The following UBA6 variants were observed in gnomAD, a reference collection of about 807,000 sequenced individuals.
UBA6 encodes ubiquitin-like modifier-activating enzyme 6.
Under a neutral mutation model 148.3 loss-of-function variants are expected in UBA6, and 87 were observed. The ratio of observed to expected loss-of-function variants is 0.59; its 90% CI spans 0.49 to 0.70. The LOEUF is 0.70. Ranked by LOEUF, UBA6 falls within the 30% of genes least tolerant of loss-of-function variation. The pLI is 0.00. For missense variants in UBA6, 1,186 were observed against 1,241.2 expected, an observed-to-expected ratio of 0.96 and a Z score of 0.67; for synonymous variants, 376 against 401.0, an observed-to-expected ratio of 0.94 and a Z score of 0.75.
Position 67,639,053 on chromosome 4 carries a change from C to G in UBA6, c.1626G>C (p.Leu542=). Residue 542 remains leucine, a synonymous_variant, in exon 19 of 33, where the codon CTG becomes CTC. Coordinates refer to ENST00000322244, the MANE Select transcript of UBA6 (RefSeq NM_018227.6). ...INSQIKIDAH[L]NKVCPTTETI... is the part of the protein sequence containing the mutation. ...TCTCAGTGGTTGGACATACTTTGTT[C>G]AGGTGTGCATCTATCTTTATTTGAG... The G allele has an allele frequency of 6.2e-7, 1 of 1,613,400 alleles. No homozygotes were observed. The highest frequency in any genetic ancestry group is 8.5e-7 in the Non-Finnish European group (1 of 1,179,654).
intron 29 of UBA6, 80 bp downstream of exon 29, chr4:67,624,914 T>C: frequency 1.7e-6 from 2 of 1,160,844 alleles, no homozygotes; most frequent in Non-Finnish European, 2.4e-6. Context: ...CATCTCTGAG[T>C]GACTGGGTTG....
chr4:67,654,460 T>C (rs9996278), intron 13 of UBA6, among the ~76,000 whole-genome samples: 23,057 of 151,990 alleles, frequency 0.15, 1,816 homozygotes, highest in South Asian at 0.22. Flanking sequence ...GAAGGAGAAA[T>C]AAAATCCTTT....
At chr4:67,687,099 G>A (rs11938893) in intron 2 of UBA6, among the ~76,000 whole-genome samples, 3 of 142,550 alleles carry the variant, frequency 2.1e-5, no homozygotes, top group South Asian at 2.2e-4. Context: ...GCAGTGGTGC[G>A]ATCTTGGCTC....
At chr4:67,698,884 C>T (rs187436538) in intron 1 of UBA6, among the ~76,000 whole-genome samples, 49 of 152,020 alleles carry the variant, frequency 3.2e-4, no homozygotes, top group African/African-American at 1.0e-3. Context: ...CGCTTGAACC[C>T]GGGAGGAGGA....
intron 13 of UBA6, among the ~76,000 whole-genome samples, chr4:67,655,544 G>A (rs1254635158): frequency 6.6e-6 from 1 of 152,218 alleles, no homozygotes; most frequent in Non-Finnish European, 1.5e-5. Context: ...AAAGCAGTGT[G>A]TAGAGGGAAA....
intron 10 of UBA6, among the ~76,000 whole-genome samples, chr4:67,664,667 A>G (rs1243242804): frequency 6.6e-6 from 1 of 152,096 alleles, no homozygotes; most frequent in East Asian, 1.9e-4. Flanking sequence ...TTTGCTTTCA[A>G]TGCCAGTCGT....
intron 9 of UBA6, among the ~76,000 whole-genome samples, chr4:67,665,963 A>C (rs1165506612): frequency 6.6e-6 from 1 of 152,206 alleles, no homozygotes; most frequent in African/African-American, 2.4e-5. Context: ...AAAAACATAA[A>C]AAAGAAAACC....
chr4:67,652,840 A>G (rs1160109582), intron 13 of UBA6, among the ~76,000 whole-genome samples: 1 of 152,144 alleles, frequency 6.6e-6, no homozygotes, highest in Non-Finnish European at 1.5e-5. Flanking sequence ...CACTTTCCTC[A>G]CCATCTTAGC....
At chr4:67,696,292 A>C (rs1730831453) in intron 2 of UBA6, among the ~76,000 whole-genome samples, 1 of 152,054 alleles carries the variant, frequency 6.6e-6, no homozygotes, top group South Asian at 2.1e-4. Context: ...TAGTCCTATC[A>C]CCTAAACCTA....
At chr4:67,644,819 C>G in intron 16 of UBA6, 41 bp from the exon 17 acceptor site, 1 of 982,078 alleles carries the variant, frequency 1.0e-6, no homozygotes, top group Non-Finnish European at 1.6e-6. Context: ...TTAAAATAAC[C>G]TATCTGTGAA....
chr4:67,635,525 A>G lies in UBA6; in HGVS notation c.1770T>C (p.Asp590=), dbSNP rs780900247. 1 of 1,613,196 alleles carries G rather than the reference A, an allele frequency of 6.2e-7. No individual in the cohort carries two copies. The highest frequency in any genetic ancestry group is 8.5e-7 in the Non-Finnish European group (1 of 1,179,324). The change falls in exon 20 of 33, where the codon GAT becomes GAC. Residue 590 remains aspartate (D), a synonymous_variant. Transcript: ENST00000322244. ...GTCCCTTAGTGCCCATTGTTCCAGA[A>G]TCTAAAAGAGGCCTTAGATTTGCTA... is the stretch of plus-strand genomic sequence containing the variant. ...RCLANLRPLL[D]SGTMGTKGHT... is the part of the protein sequence containing the mutation.
chr4:67,696,176 A>T (rs1471657518), intron 2 of UBA6, among the ~76,000 whole-genome samples: 1 of 152,156 alleles, frequency 6.6e-6, no homozygotes, highest in Non-Finnish European at 1.5e-5. Context: ...TTGTATGACT[A>T]AAGTGAAATA....
intron 7 of UBA6, 124 bp downstream of exon 7, chr4:67,673,573 A>G (rs1448737600): frequency 3.8e-6 from 2 of 520,454 alleles, no homozygotes; most frequent in Non-Finnish European, 6.8e-6. Context: ...AAAATTAATG[A>G]AAAAAATGAT....
chr4:67,677,294 A>T (rs1466127492), intron 6 of UBA6, among the ~76,000 whole-genome samples: 2 of 152,196 alleles, frequency 1.3e-5, no homozygotes, highest in African/African-American at 4.8e-5. Flanking sequence ...GGCTGAGTTC[A>T]GCCTAGAAAC....
chr4:67,658,304 A>G (rs7660874), intron 13 of UBA6, among the ~76,000 whole-genome samples: 1,889 of 152,322 alleles, frequency 0.012, 40 homozygotes, highest in African/African-American at 0.041. Flanking sequence ...GGGTAGGTAT[A>G]TAAGAGAAAC....
In UBA6 at chr4:67,670,582, G is replaced by C. The variant is rs765850594; in HGVS notation, c.557C>G (p.Ala186Gly). Residue 186 changes from alanine to glycine, a missense_variant, in exon 8 of 33, where the codon GCA (alanine) becomes GGA (glycine). Transcript: ENST00000322244. ...SQCPPIKFIS[A>G]DVHGIWSRLF... is the part of the protein sequence containing the mutation. ...CCTTGACCAAATTCCATGTACATCT[G>C]CACTGATAAACTGTAAAATGGCAAA... The C allele has an allele frequency of 2.5e-6, 4 of 1,608,742 alleles. No homozygotes were observed. The East Asian group carries it at 6.7e-5, about 27-fold the overall frequency.
chr4:67,647,073 T>C (rs1729436543), intron 14 of UBA6, among the ~76,000 whole-genome samples: 1 of 152,092 alleles, frequency 6.6e-6, no homozygotes, highest in Non-Finnish European at 1.5e-5. Context: ...CAAAGGAAAT[T>C]TCACCTCCAA....
In UBA6 at chr4:67,678,472, A is replaced by G; in HGVS notation, c.320T>C (p.Leu107Pro). ...CTTATTAACAACATCATCTTCACTGAGAAAGAAGTTGGTTCCTAGATCCCA... is the reference window on the plus strand; with the variant it reads ...CTTATTAACAACATCATCTTCACTGGGAAAGAAGTTGGTTCCTAGATCCCA... ...QAWDLGTNFF[L>P]SEDDVVNKRN... Residue 107 changes from leucine to proline, a missense_variant, in exon 5 of 33, where the codon CTC becomes CCC. Coordinates refer to ENST00000322244, the MANE Select transcript of UBA6 (RefSeq NM_018227.6). 1 of 1,602,490 alleles carries G rather than the reference A, an allele frequency of 6.2e-7. No homozygotes were observed. The highest frequency in any genetic ancestry group is 1.1e-5 in the South Asian group (1 of 89,202).
At chr4:67,661,787 G>T (rs890141393) in intron 13 of UBA6, 3 of 214,380 alleles carry the variant, frequency 1.4e-5, no homozygotes, top group African/African-American at 2.3e-5. Flanking sequence ...TCTGATGTAC[G>T]AAATGTGATA....
Sources: gnomAD v4.1 joint callset for allele counts (sites outside exome capture counted in the v4.1 genomes callset) on GRCh38, gnomAD v4.1.1 for gene constraint, MANE v1.5 for transcripts, NCBI Gene and HGNC (gene_info 2026-07-23, HGNC 2026-07-21) for gene names.